Variants in PRICKLE2 observed in about 807,000 individuals in gnomAD.
The protein encoded by PRICKLE2 is prickle planar cell polarity protein 2.
Under a neutral mutation model 81.4 loss-of-function variants are expected in PRICKLE2, and 21 were observed. That is an observed-to-expected ratio of 0.26 (90% confidence interval 0.18 to 0.37). PRICKLE2 has a LOEUF of 0.37. PRICKLE2 is among the 10% of genes least tolerant of loss of function. The probability of loss-of-function intolerance (pLI) is 1.00; values close to 1 mark genes in which losing one functional copy is unlikely to be tolerated. For synonymous variants in PRICKLE2, 456 were observed against 421.5 expected (o/e 1.08, Z -1.00); for missense variants, 940 against 1,109.0 (o/e 0.85, Z 2.16).
chr3:64,115,991 A>C (rs2076928635), intron 7 of PRICKLE2, among the ~76,000 whole-genome samples: 1 of 152,198 alleles, frequency 6.6e-6, no homozygotes, highest in South Asian at 2.1e-4. Flanking sequence ...ATCATAACAA[A>C]CAATCTCTCA....
At chr3:64,191,066 C>T (rs2078324185) in intron 2 of PRICKLE2, among the ~76,000 whole-genome samples, 1 of 152,150 alleles carries the variant, frequency 6.6e-6, no homozygotes, top group South Asian at 2.1e-4. Flanking sequence ...CTGGGACGAA[C>T]TTGTATCTTT....
At position 64,147,347 on chromosome 3, in the gene PRICKLE2, C is replaced by T. The variant is rs775118648; in HGVS notation, c.1143G>A (p.Leu381=). ...GGTTGAGGCTGGGTGTCTGGCTGGACAGGCTGAGCATGTCCATCTGCAGTG... is the reference window on the plus strand; with the variant it reads ...GGTTGAGGCTGGGTGTCTGGCTGGATAGGCTGAGCATGTCCATCTGCAGTG... The part of the protein sequence containing the change: ...PLSLQMDMLS[L]SSQTPSLNRD... Residue 381 remains leucine (L), a synonymous_variant, in exon 7 of 8, where the codon CTG becomes CTA. Coordinates refer to ENST00000638394, the MANE Select transcript of PRICKLE2 (RefSeq NM_198859.4). This position sits in a 1 kb window ranked among gnomAD's most constrained non-coding sequence, Gnocchi z 5.0. The T allele has an allele frequency of 4.3e-6, 7 of 1,614,080 alleles. No homozygotes were observed. Among genetic ancestry groups the T allele is most frequent in the South Asian group, 1.1e-5 (1 of 91,090 alleles).
intron 1 of PRICKLE2, among the ~76,000 whole-genome samples, chr3:64,210,799 T>C (rs1412135538): frequency 2.6e-5 from 4 of 152,206 alleles, no homozygotes; most frequent in African/African-American, 7.2e-5. Context: ...TCTTACTGTA[T>C]TTTGATTTGC....
rs1209114866 is a variant in PRICKLE2 at position 64,237,587 on chromosome 3, G to A, written c.129-38620C>T. Among the ~76,000 whole-genome samples, 3 of 152,194 alleles carry A rather than the reference G, an allele frequency of 2.0e-5. No individual in the cohort carries two copies. In the South Asian group the frequency reaches 6.2e-4, roughly 32 times the overall value. ...CTGCTCCTCTGCCAGTGGAGCCTGGGGTTTTTATGGCTACAGGATGGGAGG... is the reference window on the plus strand; with the variant it reads ...CTGCTCCTCTGCCAGTGGAGCCTGGAGTTTTTATGGCTACAGGATGGGAGG... On this transcript the variant is annotated intron_variant, in intron 2 of 8. Transcript: ENST00000295902.
chr3:64,184,716 T>C (rs1048943656), intron 2 of PRICKLE2, among the ~76,000 whole-genome samples: 3 of 152,140 alleles, frequency 2.0e-5, no homozygotes, highest in Non-Finnish European at 4.4e-5. Context: ...AAGCCATCAT[T>C]CAAGCGATCC....
chr3:64,225,522 T>G, upstream of PRICKLE2: 1 of 873,616 alleles, frequency 1.1e-6, no homozygotes, highest in Non-Finnish European at 1.4e-6. Flanking sequence ...AGTCACGGCA[T>G]CTGGACGTCC....
At chr3:64,232,001 G>T (rs1209287546) in intron 2 of PRICKLE2, among the ~76,000 whole-genome samples, 1 of 152,150 alleles carries the variant, frequency 6.6e-6, no homozygotes, top group East Asian at 1.9e-4. Flanking sequence ...TGAAGTGTGG[G>T]AAATAATGTG....
chr3:64,144,327 T>C (rs1429102646), intron 7 of PRICKLE2, among the ~76,000 whole-genome samples: 2 of 152,180 alleles, frequency 1.3e-5, no homozygotes, highest in African/African-American at 4.8e-5. Flanking sequence ...TTTCTGTTTC[T>C]TCAACTCTGA....
chr3:64,181,931 G>A (rs968118236), intron 2 of PRICKLE2, among the ~76,000 whole-genome samples: 3 of 152,142 alleles, frequency 2.0e-5, no homozygotes, highest in Non-Finnish European at 2.9e-5. Context: ...GCATTAAAAC[G>A]TGTGTCACAG....
intron 7 of PRICKLE2, among the ~76,000 whole-genome samples, chr3:64,112,907 T>C (rs757530413): frequency 1.3e-5 from 2 of 152,202 alleles, no homozygotes; most frequent in Non-Finnish European, 2.9e-5. Context: ...GGGACTGAGA[T>C]GACTGGCATG....
chr3:64,188,606 C>G (rs2078278708), intron 2 of PRICKLE2, among the ~76,000 whole-genome samples: 1 of 152,188 alleles, frequency 6.6e-6, no homozygotes, highest in African/African-American at 2.4e-5. Flanking sequence ...GCCATCATTC[C>G]ATGTAAAGTC....
intron 1 of PRICKLE2, chr3:64,200,231 CT>C (rs2078546344): frequency 6.6e-6 from 1 of 152,158 alleles, no homozygotes; most frequent in Non-Finnish European, 1.5e-5. Flanking sequence ...ATATGTGGTT[CT>C]TTTGAAGTTG....
Position 64,097,213 on chromosome 3 carries a change from T to C in PRICKLE2, c.*1838A>G, listed in dbSNP as rs985200458. 4 of 152,586 alleles carry C rather than the reference T, an allele frequency of 2.6e-5. No individual in the cohort carries two copies. Among genetic ancestry groups the C allele is most frequent in the African/African-American group, 9.7e-5 (4 of 41,436 alleles). 9.5% of individuals were successfully genotyped at this position (152,586 alleles called of 1,614,324 possible). ...GTCATATTAATACCTGAAAAGCAAA[T>C]TATTTTAATACATCCCGAATGGAGT... On this transcript the variant is annotated 3_prime_UTR_variant, in exon 8 of 8. Transcript: ENST00000638394.
chr3:64,246,434 C>T (rs2079355921), intron 2 of PRICKLE2, among the ~76,000 whole-genome samples: 1 of 152,184 alleles, frequency 6.6e-6, no homozygotes, highest in African/African-American at 2.4e-5. Context: ...CACAACCCTA[C>T]CTTCCAACAT....
At chr3:64,184,257 T>C (rs1316067715) in intron 2 of PRICKLE2, among the ~76,000 whole-genome samples, 1 of 152,216 alleles carries the variant, frequency 6.6e-6, no homozygotes, top group Non-Finnish European at 1.5e-5. Flanking sequence ...AACATTACTG[T>C]CTTCATTTTA....
At chr3:64,110,735 A>C (rs997918757) in intron 7 of PRICKLE2, among the ~76,000 whole-genome samples, 13 of 152,090 alleles carry the variant, frequency 8.5e-5, no homozygotes, top group African/African-American at 3.1e-4. Context: ...AAGATGTAGC[A>C]GAGGGGCAAT....
At chr3:64,232,834 C>T (rs1003696287) in intron 2 of PRICKLE2, among the ~76,000 whole-genome samples, 2 of 152,180 alleles carry the variant, frequency 1.3e-5, no homozygotes, top group African/African-American at 2.4e-5. Flanking sequence ...ATGGCAACTC[C>T]ACACTCCCAA....
chr3:64,191,513 T>A (rs888816523), intron 2 of PRICKLE2, among the ~76,000 whole-genome samples: 1 of 152,194 alleles, frequency 6.6e-6, no homozygotes, highest in Non-Finnish European at 1.5e-5. Context: ...AGCTGTGTGA[T>A]CTTGGGCAAG....
intron 2 of PRICKLE2, chr3:64,267,946 C>T (rs945614171): frequency 3.3e-5 from 5 of 152,244 alleles, no homozygotes; most frequent in African/African-American, 1.2e-4. Context: ...TCTGCCGGCC[C>T]GGGAAACTGC....
Sources: gnomAD v4.1 joint callset for allele counts (sites outside exome capture counted in the v4.1 genomes callset) on GRCh38, gnomAD v4.1.1 for gene constraint, Gnocchi (gnomAD v3.1) non-coding constraint, MANE v1.5 for transcripts, NCBI Gene and HGNC (gene_info 2026-07-23, HGNC 2026-07-21) for gene names.